Variants in TGS1 observed in about 807,000 individuals in gnomAD.
TGS1 encodes the protein trimethylguanosine synthase 1.
Under a neutral mutation model 92.2 loss-of-function variants are expected in TGS1, and 69 were observed. The observed-to-expected ratio is 0.75, with a 90% CI of 0.62 to 0.91. TGS1 has a LOEUF of 0.91. Ranked by LOEUF, TGS1 falls within the 40% of genes least tolerant of loss-of-function variation. TGS1 has a pLI of 0.00. For missense variants in TGS1, 1,062 were observed against 1,001.2 expected, an observed-to-expected ratio of 1.06 and a Z score of -0.82; for synonymous variants, 345 against 338.1, an observed-to-expected ratio of 1.02 and a Z score of -0.22.
Position 55,807,995 on chromosome 8 carries a change from A to C in TGS1, c.2144-2886A>C, listed in dbSNP as rs559873981. On this transcript the variant is annotated intron_variant, in intron 10 of 12. Transcript: ENST00000260129. ...AAAGCGTAATATGATTTTGGAAAGC[A>C]CGTAGTAGCTGTAGAAAAAACAGAC... is the stretch of plus-strand genomic sequence containing the variant. Among the ~76,000 whole-genome samples the C allele has an allele frequency of 3.3e-5, 5 of 152,368 alleles. No individual in the cohort carries two copies. The East Asian group carries it at 9.6e-4, about 29-fold the overall frequency.
At chr8:55,811,491 G>A (rs930042451) in intron 11 of TGS1, among the ~76,000 whole-genome samples, 2 of 150,790 alleles carry the variant, frequency 1.3e-5, no homozygotes, top group African/African-American at 2.4e-5. Flanking sequence ...GCCAGGCACG[G>A]TGGCTCACAC....
At chr8:55,793,908 G>A (rs942431630) in intron 6 of TGS1, among the ~76,000 whole-genome samples, 5 of 151,370 alleles carry the variant, frequency 3.3e-5, no homozygotes, top group South Asian at 2.1e-4. Context: ...GTGAGCCACC[G>A]CGCCTCACCA....
chr8:55,792,055 C>T (rs1173170464), intron 5 of TGS1, among the ~76,000 whole-genome samples: 1 of 152,208 alleles, frequency 6.6e-6, no homozygotes, highest in Non-Finnish European at 1.5e-5. Context: ...CTTGTTAACT[C>T]CCCAGTTCCT....
chr8:55,822,941 T>A (rs1210160009), intron 12 of TGS1, among the ~76,000 whole-genome samples: 1 of 152,192 alleles, frequency 6.6e-6, no homozygotes, highest in Middle Eastern at 3.2e-3. Flanking sequence ...TGACTGCCTC[T>A]CTTTACAAAA....
chr8:55,800,941 A>G (rs1206205698), intron 8 of TGS1, among the ~76,000 whole-genome samples: 1 of 152,142 alleles, frequency 6.6e-6, no homozygotes, highest in South Asian at 2.1e-4. Context: ...TGTTGCTTCT[A>G]ATTTGCTGAA....
At chr8:55,792,617 T>C in intron 5 of TGS1, 81 bp from the exon 6 acceptor site, 1 of 972,980 alleles carries the variant, frequency 1.0e-6, no homozygotes, top group South Asian at 1.4e-5. Flanking sequence ...ATGGGTCAAT[T>C]ATATTGCCTT....
Position 55,826,320 on chromosome 8 carries a change from A to G in TGS1, c.*1617A>G, listed in dbSNP as rs999645236. Among the ~76,000 whole-genome samples, 1 of 152,160 alleles carries G rather than the reference A, an allele frequency of 6.6e-6. No individual in the cohort carries two copies. The highest frequency in any genetic ancestry group is 1.5e-5 in the Non-Finnish European group (1 of 68,034). On this transcript the variant is annotated 3_prime_UTR_variant, in exon 13 of 13. Coordinates refer to ENST00000260129, the MANE Select transcript of TGS1 (RefSeq NM_024831.8). ...ATAAAGCTAACTCATCTTCCTGAATATACATGATTTTACATGAGAAGAGCA... is the reference window on the plus strand; with the variant it reads ...ATAAAGCTAACTCATCTTCCTGAATGTACATGATTTTACATGAGAAGAGCA...
chr8:55,809,160 A>G (rs1027404291), intron 10 of TGS1, among the ~76,000 whole-genome samples: 3 of 152,226 alleles, frequency 2.0e-5, no homozygotes, highest in Non-Finnish European at 2.9e-5. Flanking sequence ...GGCATTGCAT[A>G]TAGTTGAGGT....
At chr8:55,805,175 C>A in intron 10 of TGS1, 139 bp downstream of exon 10, 1 of 593,492 alleles carries the variant, frequency 1.7e-6, no homozygotes, top group Non-Finnish European at 2.6e-6. Flanking sequence ...TAATAGCTAG[C>A]ATATATTAAG....
chr8:55,800,769 A>AT (rs1812194068), intron 8 of TGS1, among the ~76,000 whole-genome samples: 1 of 152,174 alleles, frequency 6.6e-6, no homozygotes, highest in Admixed American at 6.5e-5. Flanking sequence ...ACCTTACTGA[A>AT]TCATGATGAC....
At chr8:55,813,192 A>AAGGATATG in intron 12 of TGS1, 74 bp downstream of exon 12, 1 of 1,048,724 alleles carries the variant, frequency 9.5e-7, no homozygotes. Flanking sequence ...TACAGGACAT[A>AAGGATATG]TCCTTACCAG....
At chr8:55,796,905 T>G (rs1011919019) in intron 7 of TGS1, among the ~76,000 whole-genome samples, 3 of 151,822 alleles carry the variant, frequency 2.0e-5, no homozygotes, top group Admixed American at 2.0e-4. Context: ...GCAGGAGAAT[T>G]GCTTGAAATT....
intron 11 of TGS1, 63 bp downstream of exon 11, chr8:55,811,160 A>C (rs1057446025): frequency 2.0e-5 from 8 of 395,856 alleles, no homozygotes; most frequent in Non-Finnish European, 3.3e-5. Context: ...GGAGCATGAG[A>C]GTGAGAGAGG....
intron 12 of TGS1, among the ~76,000 whole-genome samples, chr8:55,822,053 TA>T (rs1262977653): frequency 6.6e-6 from 1 of 151,256 alleles, no homozygotes; most frequent in Non-Finnish European, 1.5e-5. Context: ...ACAACAACAA[TA>T]TTGGCTTTTT....
In TGS1 at chr8:55,786,553, C is replaced by G; in HGVS notation, c.655C>G (p.Pro219Ala). 1 of 1,614,148 alleles carries G rather than the reference C, an allele frequency of 6.2e-7. No homozygotes were observed. Among genetic ancestry groups the G allele is most frequent in the Non-Finnish European group, 8.5e-7 (1 of 1,180,018 alleles). ...GTGGCAAAGTTGGCAAGAAAAACAT[C>G]CGGGTCAAGCACTATCTTCTGAACC... ...LLWQSWQEKH[P>A]GQALSSEPWN... The change falls in exon 4 of 13, where the codon CCG becomes GCG. Residue 219 changes from proline (P) to alanine (A), a missense_variant. Physicochemically the swap from Pro to Ala is conservative, Grantham distance 27. Transcript: ENST00000260129.
In TGS1 at chr8:55,786,416, G is replaced by A; in HGVS notation, c.518G>A (p.Ser173Asn). 1 of 1,613,168 alleles carries A rather than the reference G, an allele frequency of 6.2e-7. No individual in the cohort carries two copies. Among genetic ancestry groups the A allele is most frequent in the Non-Finnish European group, 8.5e-7 (1 of 1,179,778 alleles). The change falls in exon 4 of 13, where the codon AGC becomes AAC. Residue 173 changes from serine (S) to asparagine (N), a missense_variant. Transcript: ENST00000260129. ...AACACCAGAACATATGAACTTCAAA[G>A]CAAAAAAGATACTGAGACAGAAAAT... The part of the protein sequence containing the change: ...YENTRTYELQ[S>N]KKDTETENPP...
chr8:55,804,139 CTT>C (rs1812296738), intron 9 of TGS1, among the ~76,000 whole-genome samples: 1 of 152,098 alleles, frequency 6.6e-6, no homozygotes, highest in Non-Finnish European at 1.5e-5. Context: ...TTTTCCGACC[CTT>C]TAAAAGCATG....
In TGS1 at chr8:55,812,392, G is replaced by A. The variant is rs375524679; in HGVS notation, c.2361-648G>A. On this transcript the variant is annotated intron_variant, in intron 11 of 12. Coordinates refer to ENST00000260129, the MANE Select transcript of TGS1 (RefSeq NM_024831.8). Reference sequence around the variant, plus strand: ...AAAATACAAAAATTAGCTGGGCATGGTGGTGGGCACCTGTAATCTCAGCTA... The same window carrying A: ...AAAATACAAAAATTAGCTGGGCATGATGGTGGGCACCTGTAATCTCAGCTA... Among the ~76,000 whole-genome samples, 6 of 151,558 alleles carry A rather than the reference G, an allele frequency of 4.0e-5. No homozygotes were observed. In the South Asian group the frequency reaches 1.3e-3, roughly 32 times the overall value.
intron 4 of TGS1, among the ~76,000 whole-genome samples, chr8:55,788,592 A>T (rs374525529): frequency 2.0e-4 from 31 of 151,838 alleles, no homozygotes; most frequent in African/African-American, 6.3e-4. Context: ...AGTAGCTGGG[A>T]CTACAGGTGT....
Sources: allele counts gnomAD v4.1 joint callset (sites outside exome capture counted in the v4.1 genomes callset), GRCh38; gene constraint gnomAD v4.1.1; transcripts MANE v1.5; gene names NCBI Gene and HGNC (gene_info 2026-07-23, HGNC 2026-07-21).